UBA1: variants seen among roughly 807,000 people sequenced by gnomAD.
UBA1 encodes ubiquitin-like modifier-activating enzyme 1.
Under a neutral mutation model 84.7 loss-of-function variants are expected in UBA1, and 4 were observed. The ratio of observed to expected loss-of-function variants is 0.05; its 90% CI spans 0.02 to 0.11. The LOEUF (loss-of-function observed/expected upper bound fraction) is 0.11. Ranked by LOEUF, UBA1 falls within the 10% of genes least tolerant of loss-of-function variation. UBA1 has a pLI of 1.00. For synonymous variants in UBA1, 364 were observed against 362.6 expected (o/e 1.00, Z -0.04); for missense variants, 513 against 902.8 (o/e 0.57, Z 5.53).
At position 47,212,417 on chromosome X, in the gene UBA1, C is replaced by T; in HGVS notation, c.2465-7C>T. The T allele has an allele frequency of 8.4e-7, 1 of 1,194,991 alleles. No homozygotes were observed. Among genetic ancestry groups the T allele is most frequent in the Non-Finnish European group, 1.1e-6 (1 of 880,460 alleles). On this transcript the variant is annotated splice_polypyrimidine_tract_variant and splice_region_variant and intron_variant, in intron 20 of 25. Transcript: ENST00000335972. ...AAAGGGCTGACAGTGTCCCTTTCTT[C>T]ATGCAGATGACAGTCGTCTAGAGGA...
chrX:47,210,456 C>T (rs1468712397), intron 18 of UBA1, among the ~76,000 whole-genome samples: 2 of 111,874 alleles, frequency 1.8e-5, no homozygotes, highest in Non-Finnish European at 3.8e-5. Flanking sequence ...AGGCAAATCA[C>T]GTAACTTCTC....
At position 47,210,092 on chromosome X, in the gene UBA1, G is replaced by A. The variant is rs1556792931; in HGVS notation, c.2168G>A (p.Arg723Gln). Residue 723 changes from arginine to glutamine, a missense_variant, in exon 18 of 26, where the codon CGG becomes CAG. Arg to Gln is a conservative substitution (Grantham distance 43). Transcript: ENST00000335972. ...CACACCCAGTACTCGAACAACATCC[G>A]GCAGCTGCTGCACAACTTCCCTCCT... is the stretch of plus-strand genomic sequence containing the variant. ...HWHTQYSNNIRQLLHNFPPDQ... is the reference protein window; with the variant it reads ...HWHTQYSNNIQQLLHNFPPDQ... The A allele has an allele frequency of 2.5e-6, 3 of 1,211,844 alleles. No homozygotes were observed. Among genetic ancestry groups the A allele is most frequent in the East Asian group, 3.0e-5 (1 of 33,830 alleles).
chrX:47,192,528 T>G (rs1316634419), upstream of UBA1, among the ~76,000 whole-genome samples: 1 of 111,100 alleles, frequency 9.0e-6, no homozygotes, highest in East Asian at 2.8e-4. Context: ...ATATAATATT[T>G]TAAAAATTTA....
chrX:47,212,476 C>G lies in UBA1; in HGVS notation c.2517C>G (p.Leu839=), dbSNP rs782184171. The G allele has an allele frequency of 4.1e-6, 5 of 1,209,043 alleles. No homozygotes were observed. Among genetic ancestry groups the G allele is most frequent in the Non-Finnish European group, 4.5e-6 (4 of 894,660 alleles). ...LKATLPSPDK[L]PGFKMYPIDF... is the part of the protein sequence containing the mutation. ...CCACTCTGCCCAGCCCAGACAAGCT[C>G]CCTGGATTCAAGATGTACCCCATTG... Residue 839 remains leucine, a synonymous_variant, in exon 21 of 26, where the codon CTC becomes CTG. Transcript: ENST00000335972.
At chrX:47,208,294 A>T (rs782381046) in intron 16 of UBA1, among the ~76,000 whole-genome samples, 1 of 94,294 alleles carries the variant, frequency 1.1e-5, no homozygotes, top group East Asian at 3.4e-4. Flanking sequence ...TGTGTGTGTA[A>T]GTGTCTGTGT....
chrX:47,201,551 C>T lies in UBA1; in HGVS notation c.752C>T (p.Ser251Leu). Residue 251 changes from serine (S) to leucine (L), a missense_variant, in exon 8 of 26, where the codon TCA becomes TTA. Physicochemically the swap from Ser to Leu is moderately radical, Grantham distance 145 (BLOSUM62 -2). Coordinates refer to ENST00000335972, the MANE Select transcript of UBA1 (RefSeq NM_003334.4). Reference sequence around the variant, plus strand: ...GAGAGCGGGGACTTTGTCTCCTTTTCAGAAGTACAGGGCATGGTTGAACTC... The same window carrying T: ...GAGAGCGGGGACTTTGTCTCCTTTTTAGAAGTACAGGGCATGGTTGAACTC... ...GFESGDFVSF[S>L]EVQGMVELNG... 8.3e-7 allele frequency: 1 copy of T among 1,211,828 alleles called. No individual in the cohort carries two copies. Among genetic ancestry groups the T allele is most frequent in the Non-Finnish European group, 1.1e-6 (1 of 895,497 alleles).
At chrX:47,205,113 C>G in intron 14 of UBA1, 1 of 161,001 alleles carries the variant, frequency 6.2e-6, no homozygotes, top group East Asian at 1.7e-4. Flanking sequence ...CTGCAAAGAC[C>G]TCAAGGATAT....
upstream of UBA1, among the ~76,000 whole-genome samples, chrX:47,193,354 C>G (rs1936095952): frequency 9.0e-6 from 1 of 111,192 alleles, no homozygotes; most frequent in Non-Finnish European, 1.9e-5. Context: ...CGGGCGTGCC[C>G]CTTTTATTCC....
Position 47,202,671 on chromosome X carries a change from G to A in UBA1, c.1090G>A (p.Ala364Thr). The A allele has an allele frequency of 8.2e-7, 1 of 1,212,232 alleles. No homozygotes were observed. The highest frequency in any genetic ancestry group is 1.1e-6 in the Non-Finnish European group (1 of 895,575). Residue 364 changes from alanine (A) to threonine (T), a missense_variant, in exon 11 of 26, where the codon GCT becomes ACT. Ala to Thr is a moderately conservative substitution (Grantham distance 58). Transcript: ENST00000335972. ...DAAELVALAQ[A>T]VNARALPAVQ... is the part of the protein sequence containing the mutation. ...AGCAGAACTGGTAGCCTTAGCACAG[G>A]CTGTGAATGCTCGAGCCCTGCCAGC...
chrX:47,203,110 C>T lies in UBA1; in HGVS notation c.1339-24C>T, dbSNP rs782792494. ...GACATTTCTGGGGAGGCCTCTCTAA[C>T]CCTCCTCCCTTTGCATTCCTTAGCG... On this transcript the variant is annotated intron_variant, in intron 12 of 25. Coordinates refer to ENST00000335972, the MANE Select transcript of UBA1 (RefSeq NM_003334.4). 1.1e-5 allele frequency: 13 copies of T among 1,207,720 alleles called. No individual in the cohort carries two copies. In the Middle Eastern group the frequency reaches 6.9e-4, roughly 64 times the overall value.
In UBA1 at chrX:47,202,686, G is replaced by A; in HGVS notation, c.1105G>A (p.Ala369Thr). 8.2e-7 allele frequency: 1 copy of A among 1,212,163 alleles called. No individual in the cohort carries two copies. Among genetic ancestry groups the A allele is most frequent in the South Asian group, 1.8e-5 (1 of 56,979 alleles). ...VALAQAVNARALPAVQQNNLD... is the reference protein window; with the variant it reads ...VALAQAVNARTLPAVQQNNLD... ...CTTAGCACAGGCTGTGAATGCTCGAGCCCTGCCAGCAGTGCAGCAAAATAA... is the reference window on the plus strand; with the variant it reads ...CTTAGCACAGGCTGTGAATGCTCGAACCCTGCCAGCAGTGCAGCAAAATAA... Residue 369 changes from alanine to threonine, a missense_variant, in exon 11 of 26, where the codon GCC becomes ACC. This residue lies in a region of UBA1 where 227 missense variants were observed against 339.1 expected (regional missense o/e 0.67). Transcript: ENST00000335972.
Position 47,210,128 on chromosome X carries a change from T to C in UBA1, c.2199+5T>C. ...CACAACTTCCCTCCTGACCAGGTAA[T>C]GCCCAGTTGTTGGGTCCATTTGGCA... On this transcript the variant is annotated splice_donor_5th_base_variant and intron_variant, in intron 18 of 25. Transcript: ENST00000335972. 1 of 1,211,737 alleles carries C rather than the reference T, an allele frequency of 8.3e-7. No individual in the cohort carries two copies. The highest frequency in any genetic ancestry group is 1.1e-6 in the Non-Finnish European group (1 of 895,316).
At chrX:47,209,224 G>C in intron 16 of UBA1, 1 of 385,079 alleles carries the variant, frequency 2.6e-6, no homozygotes. Flanking sequence ...GCATGATCTC[G>C]GCTCACTGCA....
At chrX:47,206,488 A>C (rs782185509) in intron 16 of UBA1, 44 bp downstream of exon 16, 9 of 1,171,199 alleles carry the variant, frequency 7.7e-6, no homozygotes, top group Middle Eastern at 2.3e-4. Flanking sequence ...GCATCTGGCC[A>C]GGCTGCTGCC....
At position 47,203,226 on chromosome X, in the gene UBA1, C is replaced by T; in HGVS notation, c.1419+12C>T. ...AGAAGTATTTCCTGGTAAGTGGTCC[C>T]CTTGGATGTCTGCTCCCCTCATCTT... is the stretch of plus-strand genomic sequence containing the variant. On this transcript the variant is annotated intron_variant, in intron 13 of 25. Coordinates refer to ENST00000335972, the MANE Select transcript of UBA1 (RefSeq NM_003334.4). The T allele has an allele frequency of 8.3e-7, 1 of 1,208,898 alleles. No homozygotes were observed. The highest frequency in any genetic ancestry group is 1.1e-6 in the Non-Finnish European group (1 of 892,590).
At chrX:47,212,109 C>T (rs1463956174) in intron 20 of UBA1, among the ~76,000 whole-genome samples, 1 of 107,032 alleles carries the variant, frequency 9.3e-6, no homozygotes, top group Non-Finnish European at 1.9e-5. Flanking sequence ...TCTTGCTCTA[C>T]ATCATTCTTC....
chrX:47,200,579 G>A, intron 5 of UBA1, among the ~76,000 whole-genome samples: 1 of 111,981 alleles, frequency 8.9e-6, no homozygotes, highest in Middle Eastern at 4.6e-3. Context: ...GACTTTGGCT[G>A]GAGACAGAGT....
chrX:47,202,878 GCTCT>G (rs1338021159), intron 11 of UBA1, 61 bp from the exon 12 acceptor site: 44 of 1,198,827 alleles, frequency 3.7e-5, no homozygotes, highest in Non-Finnish European at 4.8e-5. Context: ...TCTGTCACTT[GCTCT>G]CTGTCTGTGT....
rs781810070 is a variant in UBA1, at chrX:47,199,332, C to A, written c.300C>A (p.Thr100=). The change falls in exon 4 of 26, where the codon ACC becomes ACA. Residue 100 remains threonine, a synonymous_variant. Transcript: ENST00000335972. ...NIILGGVKAV[T]LHDQGTAQWA... ...TCCTTGGTGGGGTCAAGGCTGTTACCCTACATGACCAGGGCACTGCCCAGT... is the reference window on the plus strand; with the variant it reads ...TCCTTGGTGGGGTCAAGGCTGTTACACTACATGACCAGGGCACTGCCCAGT... 10 of 1,212,103 alleles carry A rather than the reference C, an allele frequency of 8.3e-6. No homozygotes were observed. Among genetic ancestry groups the A allele is most frequent in the Non-Finnish European group, 1.0e-5 (9 of 895,531 alleles).
Sources: allele counts gnomAD v4.1 joint callset (sites outside exome capture counted in the v4.1 genomes callset), GRCh38; gene constraint gnomAD v4.1.1; regional missense constraint gnomAD v4.1.1; transcripts MANE v1.5; gene names NCBI Gene and HGNC (gene_info 2026-07-23, HGNC 2026-07-21).